ATP8A1: variants seen among roughly 807,000 people sequenced by gnomAD.
ATP8A1 encodes phospholipid-transporting ATPase IA.
ATP8A1 carries 90 observed loss-of-function variants against 177.7 expected under a neutral mutation model. The ratio of observed to expected loss-of-function variants is 0.51; its 90% CI spans 0.43 to 0.60. ATP8A1 has a LOEUF of 0.60. Among genes scored for constraint, ATP8A1 ranks in the 20% least tolerant of loss-of-function variants. The pLI, the probability that ATP8A1 is intolerant of heterozygous loss-of-function variation, is 0.00. For missense variants in ATP8A1, 1,072 were observed against 1,392.8 expected (o/e 0.77, Z 3.67); for synonymous variants, 493 against 485.9 (o/e 1.01, Z -0.19).
In ATP8A1 at chr4:42,465,003, C is replaced by T. The variant is rs753411468; in HGVS notation, c.2398G>A (p.Gly800Ser). 2.5e-6 allele frequency: 4 copies of T among 1,614,186 alleles called. No individual in the cohort carries two copies. The highest frequency in any genetic ancestry group is 3.4e-6 in the Non-Finnish European group (4 of 1,180,026). ...KQVKVVTLAI[G>S]DGANDVSMIQ... Reference sequence around the variant, plus strand: ...ATGCTGACATCATTTGCTCCATCACCGATTGCAAGCGTTACGACTTTGACT... The same window carrying T: ...ATGCTGACATCATTTGCTCCATCACTGATTGCAAGCGTTACGACTTTGACT... The change falls in exon 26 of 37, where the codon GGT (glycine) becomes AGT (serine). Residue 800 changes from glycine (G) to serine (S), a missense_variant. This residue lies in a region of ATP8A1 where 316 missense variants were observed against 459.1 expected (regional missense o/e 0.69). Transcript: ENST00000381668.
chr4:42,581,380 G>A (rs573677644), intron 10 of ATP8A1, among the ~76,000 whole-genome samples: 6 of 152,218 alleles, frequency 3.9e-5, no homozygotes, highest in South Asian at 4.1e-4. Context: ...TGATCCGCCC[G>A]CCTTGGCCTC....
chr4:42,510,545 T>G (rs1275672788), intron 22 of ATP8A1, among the ~76,000 whole-genome samples: 2 of 152,056 alleles, frequency 1.3e-5, no homozygotes, highest in East Asian at 3.9e-4. Context: ...TTAGTGATCA[T>G]GGGGACAGCT....
At chr4:42,503,610 G>A (rs1474430705) in intron 23 of ATP8A1, 96 bp from the exon 24 acceptor site, 7 of 792,270 alleles carry the variant, frequency 8.8e-6, no homozygotes, top group Non-Finnish European at 1.2e-5. Flanking sequence ...ATCTAAAGAT[G>A]ATTTTATAAT....
At chr4:42,621,760 C>T (rs2109472473) in intron 4 of ATP8A1, among the ~76,000 whole-genome samples, 1 of 152,202 alleles carries the variant, frequency 6.6e-6, no homozygotes, top group African/African-American at 2.4e-5. Context: ...AAAGACAGCC[C>T]AAATAGCCAA....
At chr4:42,453,742 T>C (rs898970409) in intron 29 of ATP8A1, among the ~76,000 whole-genome samples, 3 of 152,186 alleles carry the variant, frequency 2.0e-5, no homozygotes, top group Admixed American at 2.0e-4. Context: ...GACAGTACCA[T>C]GGAGCCCACA....
intron 9 of ATP8A1, among the ~76,000 whole-genome samples, chr4:42,583,863 G>C (rs571921378): frequency 6.6e-6 from 1 of 152,160 alleles, no homozygotes; most frequent in Non-Finnish European, 1.5e-5. Context: ...GATTTGCTCA[G>C]CAACAATTTG....
At chr4:42,518,632 A>G (rs532986833) in intron 22 of ATP8A1, among the ~76,000 whole-genome samples, 3 of 152,326 alleles carry the variant, frequency 2.0e-5, no homozygotes, top group African/African-American at 7.2e-5. Flanking sequence ...AGATGTGAAA[A>G]CGACCCTCAC....
chr4:42,634,377 A>C (rs867423423), intron 1 of ATP8A1, among the ~76,000 whole-genome samples: 2 of 152,346 alleles, frequency 1.3e-5, no homozygotes, highest in Non-Finnish European at 1.5e-5. Flanking sequence ...GTTGGGTTAC[A>C]TGTATTGTTC....
chr4:42,530,703 T>C (rs964283025), intron 20 of ATP8A1, among the ~76,000 whole-genome samples: 3 of 152,236 alleles, frequency 2.0e-5, no homozygotes, highest in Non-Finnish European at 4.4e-5. Context: ...GAGTTACAAT[T>C]ACAGTGCCAA....
At chr4:42,453,158 T>A (rs1718113677) in intron 29 of ATP8A1, among the ~76,000 whole-genome samples, 1 of 152,210 alleles carries the variant, frequency 6.6e-6, no homozygotes, top group South Asian at 2.1e-4. Context: ...TATTGTCACA[T>A]GCTAATCCTT....
intron 10 of ATP8A1, among the ~76,000 whole-genome samples, chr4:42,581,235 G>A (rs112529721): frequency 0.024 from 3,596 of 152,078 alleles, 119 homozygotes; most frequent in African/African-American, 0.077. Flanking sequence ...CTGGATTCAC[G>A]CCATTCTCCT....
chr4:42,631,053 A>T (rs1427549775), intron 1 of ATP8A1, among the ~76,000 whole-genome samples: 6 of 152,230 alleles, frequency 3.9e-5, no homozygotes, highest in Non-Finnish European at 7.3e-5. Context: ...TTAAAGAGCT[A>T]ACAGGGTGAA....
At position 42,549,187 on chromosome 4, in the gene ATP8A1, T is replaced by TA. The variant is rs1442095177; in HGVS notation, c.1603-126dup. The TA allele has an allele frequency of 5.7e-6, 4 of 704,624 alleles. No homozygotes were observed. The African/African-American group carries it at 7.2e-5, about 13-fold the overall frequency. The allele number at this position is 704,624 out of a possible 1,614,324, so 43.6% of individuals were successfully genotyped here. A position where few individuals can be genotyped will look rare whatever the true frequency, so the allele number is the denominator to read the frequency against. On this transcript the variant is annotated intron_variant, in intron 18 of 36. Transcript: ENST00000381668. Reference sequence around the variant, plus strand: ...CACAAACAAATTTTCCCTGCTGAAATATGGAAGGGAGCTTACTAACTTTTA... The same window carrying TA: ...CACAAACAAATTTTCCCTGCTGAAATAATGGAAGGGAGCTTACTAACTTTTA...
At chr4:42,448,917 C>A (rs1403332057) in intron 30 of ATP8A1, among the ~76,000 whole-genome samples, 2 of 146,044 alleles carry the variant, frequency 1.4e-5, no homozygotes, top group Non-Finnish European at 3.0e-5. Flanking sequence ...CTCACTGCAA[C>A]CTCCACCTCC....
At chr4:42,533,127 T>C (rs1578118945) in intron 20 of ATP8A1, among the ~76,000 whole-genome samples, 1 of 152,248 alleles carries the variant, frequency 6.6e-6, no homozygotes, top group South Asian at 2.1e-4. Flanking sequence ...CACATGAACA[T>C]ATCAGGAAAG....
At chr4:42,609,363 T>C (rs144176964) in intron 5 of ATP8A1, among the ~76,000 whole-genome samples, 71 of 152,328 alleles carry the variant, frequency 4.7e-4, no homozygotes, top group African/African-American at 1.7e-3. Flanking sequence ...AGTGGCACGA[T>C]GTGATCGGAG....
chr4:42,550,196 C>CA lies in ATP8A1; in HGVS notation c.1602+1001_1602+1002insT, dbSNP rs1311988038. 3.8e-4 allele frequency among the ~76,000 whole-genome samples: 54 copies of CA among 141,074 alleles called. 1 individual carries two copies. The South Asian group carries it at 7.6e-3, about 20-fold the overall frequency. The allele number at this position is 141,074 out of a possible 152,430, so 92.6% of individuals were successfully genotyped here. On this transcript the variant is annotated intron_variant, in intron 18 of 36. Coordinates refer to ENST00000381668, the MANE Select transcript of ATP8A1 (RefSeq NM_006095.2). ...AAAGGATGCACTCCTTTGTGTCTGG[C>CA]TTTTTTTTTTTTTTTTGCTCGGCAT...
intron 20 of ATP8A1, among the ~76,000 whole-genome samples, chr4:42,543,521 A>G (rs950002716): frequency 6.6e-6 from 1 of 152,228 alleles, no homozygotes; most frequent in Admixed American, 6.5e-5. Context: ...CCATGACATA[A>G]TTATGGTAGT....
chr4:42,573,479 C>T (rs1482763142), intron 14 of ATP8A1, among the ~76,000 whole-genome samples: 1 of 152,134 alleles, frequency 6.6e-6, no homozygotes, highest in Non-Finnish European at 1.5e-5. Flanking sequence ...GAAATTAGAA[C>T]ATCTTCAGAT....
Sources: gnomAD v4.1 joint callset for allele counts (sites outside exome capture counted in the v4.1 genomes callset) on GRCh38, gnomAD v4.1.1 for gene constraint, gnomAD v4.1.1 regional missense constraint, MANE v1.5 for transcripts, NCBI Gene and HGNC (gene_info 2026-07-23, HGNC 2026-07-21) for gene names.